GPC6: variants seen among roughly 807,000 people sequenced by gnomAD.
GPC6 encodes the protein glypican 6, also known as glypican-6.
GPC6 carries 14 observed loss-of-function variants against 55.2 expected under a neutral mutation model. That is an observed-to-expected ratio of 0.25 (90% CI 0.17 to 0.40). The LOEUF (loss-of-function observed/expected upper bound fraction) is 0.40. GPC6 is among the 10% of genes least tolerant of loss of function. The pLI is 1.00. For synonymous variants in GPC6, 278 were observed against 259.6 expected, an observed-to-expected ratio of 1.07 and a Z score of -0.68; for missense variants, 641 against 708.5, an observed-to-expected ratio of 0.90 and a Z score of 1.08.
chr13:93,233,956 A>G (rs1005888626), intron 1 of GPC6, among the ~76,000 whole-genome samples: 1 of 152,206 alleles, frequency 6.6e-6, no homozygotes, highest in Non-Finnish European at 1.5e-5. Flanking sequence ...GTAGTGCTAA[A>G]GTCAAGTTTC....
chr13:93,391,945 T>A (rs1046200349), intron 1 of GPC6, among the ~76,000 whole-genome samples: 1 of 152,174 alleles, frequency 6.6e-6, no homozygotes, highest in African/African-American at 2.4e-5. Flanking sequence ...CTGAGCTGTA[T>A]TTTTTGAGCT....
intron 2 of GPC6, among the ~76,000 whole-genome samples, chr13:93,615,128 T>A (rs1382966664): frequency 6.6e-6 from 1 of 152,178 alleles, no homozygotes; most frequent in African/African-American, 2.4e-5. Context: ...GTTTACTTTC[T>A]AAGAAATCAG....
At chr13:93,344,706 C>T (rs773938831) in intron 1 of GPC6, among the ~76,000 whole-genome samples, 2 of 152,134 alleles carry the variant, frequency 1.3e-5, no homozygotes, top group East Asian at 1.9e-4. Flanking sequence ...GCCTTTTGTG[C>T]GATATTTTCA....
intron 1 of GPC6, among the ~76,000 whole-genome samples, chr13:93,368,839 C>T (rs1375735424): frequency 6.6e-6 from 1 of 152,128 alleles, no homozygotes; most frequent in East Asian, 1.9e-4. Flanking sequence ...CATCTGTAGG[C>T]ATTTGCTGTA....
intron 1 of GPC6, among the ~76,000 whole-genome samples, chr13:93,543,973 A>G (rs1451948149): frequency 1.3e-5 from 2 of 151,678 alleles, no homozygotes; most frequent in Non-Finnish European, 2.9e-5. Flanking sequence ...AGCATTTGTT[A>G]TTTTTTATCT....
intron 4 of GPC6, among the ~76,000 whole-genome samples, chr13:94,226,566 C>T (rs186873139): frequency 5.3e-5 from 8 of 152,160 alleles, no homozygotes. Context: ...AAAAAAGGTA[C>T]CTGAGGCTCT....
At chr13:93,677,892 C>T (rs1160078263) in intron 2 of GPC6, among the ~76,000 whole-genome samples, 1 of 152,066 alleles carries the variant, frequency 6.6e-6, no homozygotes, top group African/African-American at 2.4e-5. Flanking sequence ...ACCTATGTAA[C>T]TAATTGCATT....
chr13:94,113,518 G>T lies in GPC6; in HGVS notation c.877+85624G>T, dbSNP rs1886322030. Among the ~76,000 whole-genome samples the T allele has an allele frequency of 2.0e-5, 3 of 151,290 alleles. No homozygotes were observed. In the South Asian group the frequency reaches 6.2e-4, roughly 31 times the overall value. On this transcript the variant is annotated intron_variant, in intron 4 of 8. Coordinates refer to ENST00000377047, the MANE Select transcript of GPC6 (RefSeq NM_005708.5). Reference sequence around the variant, plus strand: ...TGCACCTTGTACAATATGCAGCATTGTGAAGTTTCCATGTTTTCAAGGATA... The same window carrying T: ...TGCACCTTGTACAATATGCAGCATTTTGAAGTTTCCATGTTTTCAAGGATA...
chr13:93,890,715 AATTT>A (rs1189121509), intron 3 of GPC6, among the ~76,000 whole-genome samples: 73 of 126,438 alleles, frequency 5.8e-4, no homozygotes, highest in African/African-American at 2.6e-3. Flanking sequence ...AATTTTACTT[AATTT>A]TTTTTTTTTT....
At chr13:94,390,231 G>A (rs1325435945) in intron 7 of GPC6, among the ~76,000 whole-genome samples, 3 of 152,184 alleles carry the variant, frequency 2.0e-5, no homozygotes, top group South Asian at 2.1e-4. Context: ...TGACTTGGCC[G>A]TCTTGAGGAC....
rs138275175 is a variant in GPC6, at chr13:93,935,466, A to G, written c.712-92263A>G. Among the ~76,000 whole-genome samples, 213 of 152,282 alleles carry G rather than the reference A, an allele frequency of 1.4e-3. 2 individuals are homozygous for G. The highest frequency in any genetic ancestry group is 5.1e-3 in the African/African-American group (211 of 41,556). Reference sequence around the variant, plus strand: ...CTTTTTTATGGCTGCATGATATTCCATGGTATATATGTACCACATTTTCTT... The same window carrying G: ...CTTTTTTATGGCTGCATGATATTCCGTGGTATATATGTACCACATTTTCTT... On this transcript the variant is annotated intron_variant, in intron 3 of 8. Transcript: ENST00000377047.
intron 5 of GPC6, among the ~76,000 whole-genome samples, chr13:94,290,132 A>G (rs978900930): frequency 6.6e-6 from 1 of 152,204 alleles, no homozygotes; most frequent in African/African-American, 2.4e-5. Context: ...TCATTAATTT[A>G]AAAGAAGAGG....
At chr13:93,585,177 T>G (rs1218656789) in intron 2 of GPC6, among the ~76,000 whole-genome samples, 1 of 152,230 alleles carries the variant, frequency 6.6e-6, no homozygotes, top group Non-Finnish European at 1.5e-5. Flanking sequence ...CACTTTTTAG[T>G]ATTTTTAGGG....
At chr13:94,288,898 AAT>A (rs566853244) in intron 5 of GPC6, among the ~76,000 whole-genome samples, 9 of 129,048 alleles carry the variant, frequency 7.0e-5, no homozygotes, top group East Asian at 4.1e-4. Context: ...ATATATAACA[AAT>A]ATATATATAT....
chr13:93,571,063 T>C (rs1032686362), intron 2 of GPC6, among the ~76,000 whole-genome samples: 2 of 152,110 alleles, frequency 1.3e-5, no homozygotes, highest in African/African-American at 4.8e-5. Context: ...TGTGAAATTC[T>C]AATCAAGCAT....
chr13:94,170,115 G>C (rs895052679), intron 4 of GPC6, among the ~76,000 whole-genome samples: 2 of 152,112 alleles, frequency 1.3e-5, no homozygotes, highest in Admixed American at 1.3e-4. Flanking sequence ...GCCCCTAAAA[G>C]CACAAGAAAT....
intron 1 of GPC6, among the ~76,000 whole-genome samples, chr13:93,511,702 T>G (rs965080092): frequency 1.3e-5 from 2 of 152,150 alleles, no homozygotes; most frequent in Non-Finnish European, 2.9e-5. Flanking sequence ...TCTAATTCTA[T>G]GAAGAATGAC....
chr13:94,248,250 G>A (rs1206454630), intron 4 of GPC6, among the ~76,000 whole-genome samples: 2 of 152,126 alleles, frequency 1.3e-5, no homozygotes, highest in East Asian at 3.9e-4. Context: ...CAATTTGCCT[G>A]TGACACTGAT....
intron 2 of GPC6, among the ~76,000 whole-genome samples, chr13:93,800,314 C>A (rs1886329990): frequency 6.6e-6 from 1 of 152,154 alleles, no homozygotes; most frequent in African/African-American, 2.4e-5. Flanking sequence ...AAGACCAGAG[C>A]TTATTCATAA....
Sources: gnomAD v4.1 joint callset for allele counts (sites outside exome capture counted in the v4.1 genomes callset) on GRCh38, gnomAD v4.1.1 for gene constraint, MANE v1.5 for transcripts, NCBI Gene and HGNC (gene_info 2026-07-23, HGNC 2026-07-21) for gene names.